Variants in MYOM1 observed in about 807,000 individuals in gnomAD.
MYOM1 encodes the protein myomesin-1.
In MYOM1, 164 loss-of-function variants were observed where a neutral mutation model predicts 205.3. That is an observed-to-expected ratio of 0.80 (90% confidence interval 0.70 to 0.91). The LOEUF (loss-of-function observed/expected upper bound fraction) is 0.91. Ranked by LOEUF, MYOM1 falls within the 40% of genes least tolerant of loss-of-function variation. The pLI, the probability that MYOM1 is intolerant of heterozygous loss-of-function variation, is 0.00. For missense variants in MYOM1, 2,011 were observed against 2,127.3 expected (o/e 0.95, Z 1.08); for synonymous variants, 772 against 789.4 (o/e 0.98, Z 0.37).
intron 2 of MYOM1, among the ~76,000 whole-genome samples, chr18:3,197,682 G>T (rs62076893): frequency 1.4e-4 from 21 of 151,768 alleles, no homozygotes; most frequent in Non-Finnish European, 2.2e-4. Flanking sequence ...GACCATCCTA[G>T]CTAACATGGT....
intron 18 of MYOM1, among the ~76,000 whole-genome samples, chr18:3,128,403 G>A (rs755404058): frequency 1.3e-5 from 2 of 152,134 alleles, no homozygotes; most frequent in Non-Finnish European, 2.9e-5. Context: ...ATTGTTGTTT[G>A]ATAGGAAAAA....
intron 5 of MYOM1, among the ~76,000 whole-genome samples, chr18:3,177,248 A>G (rs556003968): frequency 6.6e-6 from 1 of 151,988 alleles, no homozygotes; most frequent in African/African-American, 2.4e-5. Flanking sequence ...TAAAATAAAT[A>G]AAACAAACAA....
At chr18:3,186,096 TG>T (rs1482776738) in intron 5 of MYOM1, among the ~76,000 whole-genome samples, 2 of 152,110 alleles carry the variant, frequency 1.3e-5, no homozygotes, top group African/African-American at 4.8e-5. Context: ...CTTGGGAGGC[TG>T]AGGCAGGAGA....
chr18:3,168,168 TTAATAA>T (rs66783081), intron 9 of MYOM1, among the ~76,000 whole-genome samples: 5,016 of 152,336 alleles, frequency 0.033, 108 homozygotes, highest in Non-Finnish European at 0.052. Context: ...TTCTGGTTAA[TTAATAA>T]TAATATCAGG....
At chr18:3,200,377 C>T (rs1462726634) in intron 2 of MYOM1, among the ~76,000 whole-genome samples, 1 of 152,018 alleles carries the variant, frequency 6.6e-6, no homozygotes, top group Non-Finnish European at 1.5e-5. Flanking sequence ...TAGTAGTAAG[C>T]AAAAATTGTC....
chr18:3,094,376 AG>A, intron 25 of MYOM1, 70 bp from the exon 26 acceptor site: 3 of 1,153,148 alleles, frequency 2.6e-6, no homozygotes, highest in East Asian at 5.6e-5. Context: ...TTTTCCATCA[AG>A]TGAAAAAAAA....
the MYOM1 span, among the ~76,000 whole-genome samples, chr18:3,244,300 G>T: frequency 6.6e-6 from 1 of 152,164 alleles, no homozygotes; most frequent in African/African-American, 2.4e-5. Context: ...TGGGCCTTGA[G>T]AGGTATTCTA....
chr18:3,109,728 C>T (rs948601841), intron 22 of MYOM1, among the ~76,000 whole-genome samples: 1 of 152,324 alleles, frequency 6.6e-6, no homozygotes, highest in Non-Finnish European at 1.5e-5. Context: ...ATCCTTAATA[C>T]AGACACAGAG....
intron 23 of MYOM1, among the ~76,000 whole-genome samples, chr18:3,102,065 G>A (rs921050946): frequency 2.9e-5 from 4 of 138,382 alleles, no homozygotes; most frequent in East Asian, 2.2e-4. Flanking sequence ...GCAGTGGCGC[G>A]ATCTCGGCTC....
In MYOM1 at chr18:3,071,909, G is replaced by C; in HGVS notation, c.4709-20C>G. On this transcript the variant is annotated intron_variant, in intron 36 of 37. Transcript: ENST00000356443. ...CACGATCTGCAAGCATAGGCATTTT[G>C]GGTTAATCACTGCAGTGGCAAGGCC... 1 of 1,597,388 alleles carries C rather than the reference G, an allele frequency of 6.3e-7. No individual in the cohort carries two copies. The highest frequency in any genetic ancestry group is 8.5e-7 in the Non-Finnish European group (1 of 1,171,774).
At chr18:3,140,397 G>C (rs1422856327) in intron 14 of MYOM1, among the ~76,000 whole-genome samples, 1 of 148,374 alleles carries the variant, frequency 6.7e-6, no homozygotes, top group Non-Finnish European at 1.5e-5. Context: ...ACAGAGTGAG[G>C]CTGTCTCAAA....
At chr18:3,116,074 CAAGGAGAGA>C (rs1159330747) in intron 21 of MYOM1, among the ~76,000 whole-genome samples, 3 of 152,022 alleles carry the variant, frequency 2.0e-5, no homozygotes, top group African/African-American at 7.3e-5. Flanking sequence ...TAAGTTGAGG[CAAGGAGAGA>C]AAGGAGAGAG....
At chr18:3,243,434 T>C in the MYOM1 span, among the ~76,000 whole-genome samples, 1 of 152,250 alleles carries the variant, frequency 6.6e-6, no homozygotes, top group Admixed American at 6.5e-5. Context: ...TCCATTCTGC[T>C]ATGCTTCCTT....
At chr18:3,222,968 ACCT>A (rs1323001357), upstream of MYOM1, among the ~76,000 whole-genome samples, 2 of 151,822 alleles carry the variant, frequency 1.3e-5, no homozygotes, top group East Asian at 1.9e-4. Flanking sequence ...TGCAACCTCG[ACCT>A]CCTCAGCCTC....
intron 10 of MYOM1, among the ~76,000 whole-genome samples, chr18:3,162,581 C>T (rs1430221098): frequency 1.3e-5 from 2 of 152,156 alleles, no homozygotes; most frequent in Non-Finnish European, 2.9e-5. Flanking sequence ...TGTGCCTCTA[C>T]TAGATCTCTT....
intron 36 of MYOM1, among the ~76,000 whole-genome samples, chr18:3,072,353 T>TG (rs2078969136): frequency 9.1e-6 from 1 of 109,374 alleles, no homozygotes; most frequent in Non-Finnish European, 1.8e-5. Context: ...CACCCGGCTT[T>TG]TTTTTTTTTT....
intron 3 of MYOM1, among the ~76,000 whole-genome samples, chr18:3,193,353 T>C (rs28429346): frequency 7.8e-4 from 80 of 103,178 alleles, no homozygotes; most frequent in Middle Eastern, 4.8e-3. Flanking sequence ...TATACATATA[T>C]ATATATATAC....
At chr18:3,241,724 T>C in the MYOM1 span, among the ~76,000 whole-genome samples, 8 of 152,310 alleles carry the variant, frequency 5.3e-5, no homozygotes, top group Non-Finnish European at 2.9e-5. Flanking sequence ...CAACTTGCAC[T>C]GTGTGCCTGG....
the MYOM1 span, among the ~76,000 whole-genome samples, chr18:3,237,318 T>C: frequency 1.7e-4 from 26 of 152,126 alleles, no homozygotes; most frequent in African/African-American, 6.3e-4. Flanking sequence ...AGGAAAGACA[T>C]GGCCGGGTGT....
Sources: gnomAD v4.1 joint callset for allele counts (sites outside exome capture counted in the v4.1 genomes callset) on GRCh38, gnomAD v4.1.1 for gene constraint, MANE v1.5 for transcripts, NCBI Gene and HGNC (gene_info 2026-07-23, HGNC 2026-07-21) for gene names.